Variants in IQCM observed in about 807,000 individuals in gnomAD.
The protein encoded by IQCM is IQ domain-containing protein M.
IQCM carries 45 observed loss-of-function variants against 57.6 expected under a neutral mutation model. The ratio of observed to expected loss-of-function variants is 0.78; its 90% confidence interval spans 0.62 to 1.00. The LOEUF (loss-of-function observed/expected upper bound fraction) is 1.00, where lower values mean the gene tolerates loss of function less well. Ranked by LOEUF, IQCM falls within the 50% of genes least tolerant of loss-of-function variation. IQCM has a pLI of 0.00. For missense variants in IQCM, 468 were observed against 511.6 expected (o/e 0.91, Z 0.82); for synonymous variants, 148 against 158.9 (o/e 0.93, Z 0.51).
At chr4:149,616,738 G>A (rs985558498) in intron 8 of IQCM, among the ~76,000 whole-genome samples, 8 of 152,106 alleles carry the variant, frequency 5.3e-5, no homozygotes, top group Admixed American at 3.3e-4. Context: ...GGGCGGCAGC[G>A]GGGTGTGGGG....
chr4:149,606,281 A>G (rs1421296321), intron 8 of IQCM, among the ~76,000 whole-genome samples: 1 of 152,132 alleles, frequency 6.6e-6, no homozygotes, highest in Non-Finnish European at 1.5e-5. Context: ...GAGGAAATAC[A>G]GTGAGAGACT....
At chr4:149,428,316 T>C (rs563096623) in intron 13 of IQCM, among the ~76,000 whole-genome samples, 231 of 151,868 alleles carry the variant, frequency 1.5e-3, no homozygotes, top group Non-Finnish European at 2.9e-3. Context: ...TAAGCAGAAC[T>C]AGTAGTAGCT....
chr4:149,670,482 C>A (rs1168369242), intron 7 of IQCM, among the ~76,000 whole-genome samples: 4 of 152,144 alleles, frequency 2.6e-5, no homozygotes, highest in Non-Finnish European at 4.4e-5. Flanking sequence ...TTTATCCTGC[C>A]TGATTGCCCT....
At chr4:149,684,520 TAA>T (rs1193380105) in intron 6 of IQCM, among the ~76,000 whole-genome samples, 2 of 151,386 alleles carry the variant, frequency 1.3e-5, no homozygotes, top group African/African-American at 4.8e-5. Flanking sequence ...GGGAGTTTCA[TAA>T]AGAGTTGGGT....
intron 12 of IQCM, among the ~76,000 whole-genome samples, chr4:149,464,017 TA>T (rs1455206629): frequency 1.3e-5 from 2 of 152,174 alleles, no homozygotes; most frequent in Non-Finnish European, 2.9e-5. Context: ...GCTCTTCAGA[TA>T]AAAAGTTAGA....
chr4:149,627,624 C>T (rs1224894403), intron 7 of IQCM, among the ~76,000 whole-genome samples: 4 of 151,828 alleles, frequency 2.6e-5, no homozygotes, highest in Non-Finnish European at 1.5e-5. Flanking sequence ...GTTGTGTGAA[C>T]CCAGGTCTAT....
chr4:149,452,971 C>T (rs1409087607), intron 12 of IQCM, among the ~76,000 whole-genome samples: 1 of 149,304 alleles, frequency 6.7e-6, no homozygotes, highest in Non-Finnish European at 1.5e-5. Flanking sequence ...AATATACCCA[C>T]GTAACAAACT....
chr4:149,704,283 CA>C (rs904159623), intron 5 of IQCM, among the ~76,000 whole-genome samples: 6 of 151,950 alleles, frequency 3.9e-5, no homozygotes, highest in African/African-American at 9.6e-5. Flanking sequence ...TCATCTTGCT[CA>C]ACCCCTGGAA....
At chr4:149,647,993 T>C (rs187126507) in intron 7 of IQCM, among the ~76,000 whole-genome samples, 3 of 152,198 alleles carry the variant, frequency 2.0e-5, no homozygotes, top group Non-Finnish European at 4.4e-5. Context: ...AGTTACCTCT[T>C]CTCTACTGCA....
At chr4:149,440,636 T>C (rs1296001212) in intron 12 of IQCM, among the ~76,000 whole-genome samples, 2 of 152,142 alleles carry the variant, frequency 1.3e-5, no homozygotes, top group Non-Finnish European at 2.9e-5. Context: ...AGCCTCTTTC[T>C]AGATTCAAGA....
At chr4:149,516,971 T>C (rs1158181988) in intron 12 of IQCM, among the ~76,000 whole-genome samples, 1 of 151,966 alleles carries the variant, frequency 6.6e-6, no homozygotes, top group African/African-American at 2.4e-5. Flanking sequence ...AGAGTATGCA[T>C]GGAATACAGG....
chr4:149,640,932 C>T (rs2150114423), intron 7 of IQCM, among the ~76,000 whole-genome samples: 1 of 152,252 alleles, frequency 6.6e-6, no homozygotes, highest in South Asian at 2.1e-4. Flanking sequence ...GAGTTCAAGA[C>T]CAGTCTGGTC....
intron 7 of IQCM, among the ~76,000 whole-genome samples, chr4:149,625,604 C>T (rs574302661): frequency 2.6e-5 from 4 of 152,230 alleles, no homozygotes; most frequent in Middle Eastern, 6.8e-3. Context: ...CTTATTTCTT[C>T]GGATTTTTCT....
chr4:149,620,260 C>G (rs140131411), intron 8 of IQCM, among the ~76,000 whole-genome samples: 4 of 152,108 alleles, frequency 2.6e-5, no homozygotes, highest in Admixed American at 6.5e-5. Flanking sequence ...GAGAAACCAA[C>G]GCTGCCAGCA....
At chr4:149,366,925 C>T (rs775319337) in intron 13 of IQCM, among the ~76,000 whole-genome samples, 21 of 151,834 alleles carry the variant, frequency 1.4e-4, no homozygotes, top group Non-Finnish European at 2.4e-4. Context: ...AATTGCAAAA[C>T]GGATTTGAAA....
At chr4:149,754,160 C>A (rs1768737629) in intron 2 of IQCM, among the ~76,000 whole-genome samples, 1 of 152,160 alleles carries the variant, frequency 6.6e-6, no homozygotes, top group Admixed American at 6.5e-5. Flanking sequence ...TAGTCCACAG[C>A]TTTGCCCTTC....
At chr4:149,510,042 T>A (rs1274971571) in intron 12 of IQCM, among the ~76,000 whole-genome samples, 1 of 152,192 alleles carries the variant, frequency 6.6e-6, no homozygotes. Context: ...GTATGCATAT[T>A]ATATTCTAAT....
At chr4:149,432,465 C>T (rs1013846995) in intron 13 of IQCM, among the ~76,000 whole-genome samples, 1 of 151,930 alleles carries the variant, frequency 6.6e-6, no homozygotes, top group Non-Finnish European at 1.5e-5. Flanking sequence ...AAAAGAACTT[C>T]AATTTATATC....
In IQCM at chr4:149,715,284, G is replaced by A. The variant is rs139598969; in HGVS notation, c.385+17960C>T. 8.1e-3 allele frequency among the ~76,000 whole-genome samples: 1,233 copies of A among 152,266 alleles called. 6 individuals carry two copies. Among genetic ancestry groups the A allele is most frequent in the African/African-American group, 0.012 (505 of 41,552 alleles). ...AGTGGCAAGGGGTGCATGAATTAGC[G>A]AGCACAGGGTTCAGCCACTGCATAC... On this transcript the variant is annotated intron_variant, in intron 5 of 13. Transcript: ENST00000636793.
Sources: gnomAD v4.1 joint callset for allele counts (sites outside exome capture counted in the v4.1 genomes callset) on GRCh38, gnomAD v4.1.1 for gene constraint, MANE v1.5 for transcripts, NCBI Gene and HGNC (gene_info 2026-07-23, HGNC 2026-07-21) for gene names.